Variants in IMPG2 observed in about 807,000 individuals in gnomAD.
The protein encoded by IMPG2 is IPM 200.
IMPG2 carries 91 observed loss-of-function variants against 129.2 expected under a neutral mutation model. The observed-to-expected ratio is 0.70, with a 90% CI of 0.59 to 0.84. The LOEUF is 0.84. Among genes scored for constraint, IMPG2 ranks in the 40% least tolerant of loss-of-function variants. The pLI is 0.00. For synonymous variants in IMPG2, 510 were observed against 517.7 expected (o/e 0.99, Z 0.20); for missense variants, 1,430 against 1,461.7 (o/e 0.98, Z 0.35).
At chr3:101,262,186 T>A (rs1177974522) in intron 9 of IMPG2, among the ~76,000 whole-genome samples, 1 of 152,068 alleles carries the variant, frequency 6.6e-6, no homozygotes. Flanking sequence ...TAGCTTCTTT[T>A]AGGAAGAAGA....
At chr3:101,267,576 A>G in intron 8 of IMPG2, 45 bp from the exon 9 acceptor site, 1 of 1,488,156 alleles carries the variant, frequency 6.7e-7, no homozygotes, top group Non-Finnish European at 9.4e-7. Context: ...TGAGACAGTT[A>G]TTATTGTCAC....
chr3:101,236,584 G>C (rs567842808), intron 14 of IMPG2, among the ~76,000 whole-genome samples: 1 of 152,136 alleles, frequency 6.6e-6, no homozygotes, highest in Non-Finnish European at 1.5e-5. Context: ...CACCTCACCC[G>C]GAAGTGCAAG....
intron 11 of IMPG2, among the ~76,000 whole-genome samples, chr3:101,248,195 G>C (rs914505716): frequency 2.6e-5 from 4 of 152,178 alleles, no homozygotes; most frequent in African/African-American, 9.7e-5. Context: ...GGACCTGGTG[G>C]GAGGGGATTG....
chr3:101,251,288 C>T (rs907764729), intron 11 of IMPG2, among the ~76,000 whole-genome samples: 2 of 152,092 alleles, frequency 1.3e-5, no homozygotes, highest in African/African-American at 4.8e-5. Context: ...TAAAACAATA[C>T]ATAAAATCTT....
At chr3:101,319,980 G>A in intron 1 of IMPG2, 148 bp from the exon 2 acceptor site, 1 of 781,072 alleles carries the variant, frequency 1.3e-6, no homozygotes. Context: ...AGGAAAAGAG[G>A]AGTGAGGCAG....
At chr3:101,256,274 TAA>T (rs1706608321) in intron 10 of IMPG2, among the ~76,000 whole-genome samples, 1 of 151,906 alleles carries the variant, frequency 6.6e-6, no homozygotes, top group Admixed American at 6.6e-5. Context: ...AAAATCTTTT[TAA>T]AAGTTTTTTT....
chr3:101,228,603 C>T (rs1218416649), intron 18 of IMPG2, among the ~76,000 whole-genome samples, 194 bp downstream of exon 18: 2 of 152,196 alleles, frequency 1.3e-5, no homozygotes, highest in Admixed American at 1.3e-4. Context: ...ACTCAATTTA[C>T]AAAGCCCTTA....
chr3:101,248,460 T>C (rs748903752), intron 11 of IMPG2, among the ~76,000 whole-genome samples: 33 of 152,144 alleles, frequency 2.2e-4, no homozygotes, highest in Non-Finnish European at 4.0e-4. Flanking sequence ...TGAAAACAGA[T>C]TAATACACAA....
At chr3:101,302,598 A>G (rs977968925) in intron 3 of IMPG2, among the ~76,000 whole-genome samples, 1 of 152,216 alleles carries the variant, frequency 6.6e-6, no homozygotes, top group Non-Finnish European at 1.5e-5. Context: ...TTATATGTCC[A>G]TATCTGTAAA....
At chr3:101,245,750 C>A (rs894019173) in intron 12 of IMPG2, 52 bp downstream of exon 12, 1 of 1,515,534 alleles carries the variant, frequency 6.6e-7, no homozygotes, top group South Asian at 1.1e-5. Context: ...CTCTTTAAAA[C>A]CCCTGTCATC....
chr3:101,256,161 G>GAAAGAA (rs1706600978), intron 10 of IMPG2, among the ~76,000 whole-genome samples: 2 of 115,356 alleles, frequency 1.7e-5, no homozygotes, highest in African/African-American at 6.6e-5. Flanking sequence ...AAGAAAGAAA[G>GAAAGAA]AAAGAAAGAA....
At chr3:101,286,617 G>A (rs1369166143) in intron 4 of IMPG2, among the ~76,000 whole-genome samples, 1 of 152,170 alleles carries the variant, frequency 6.6e-6, no homozygotes, top group East Asian at 1.9e-4. Flanking sequence ...GTAGATATAT[G>A]TACTCACACT....
chr3:101,283,106 T>A (rs1474423707), intron 4 of IMPG2, among the ~76,000 whole-genome samples: 3 of 152,300 alleles, frequency 2.0e-5, no homozygotes, highest in Non-Finnish European at 2.9e-5. Context: ...CACTGCAACC[T>A]CTGCCTCTCA....
Position 101,244,714 on chromosome 3 carries a change from A to T in IMPG2, c.1617T>A (p.Pro539=), listed in dbSNP as rs762259807. 4.3e-6 allele frequency: 7 copies of T among 1,614,098 alleles called. No individual in the cohort carries two copies. Among genetic ancestry groups the T allele is most frequent in the South Asian group, 2.2e-5 (2 of 91,088 alleles). ...DSLPSSSFTQ[P]VPKETIPSME... ...TGGATGGTATTGTTTCTTTTGGCAC[A>T]GGTTGAGTGAATGAACTTGAAGGCA... Residue 539 remains proline, a synonymous_variant, in exon 13 of 19, where the codon CCT becomes CCA. Transcript: ENST00000193391.
intron 11 of IMPG2, among the ~76,000 whole-genome samples, chr3:101,249,026 A>G (rs1185537045): frequency 6.6e-6 from 1 of 152,144 alleles, no homozygotes; most frequent in African/African-American, 2.4e-5. Context: ...TGCTTCCGCC[A>G]AGCCTCAATA....
At chr3:101,257,499 C>CA (rs1444348580) in intron 10 of IMPG2, 30 bp downstream of exon 10, 1 of 1,611,922 alleles carries the variant, frequency 6.2e-7, no homozygotes, top group Non-Finnish European at 8.5e-7. Flanking sequence ...AGAAACTATA[C>CA]AAGGACTTCA....
chr3:101,272,905 G>A (rs1706802308), intron 7 of IMPG2, among the ~76,000 whole-genome samples: 1 of 152,138 alleles, frequency 6.6e-6, no homozygotes, highest in Admixed American at 6.5e-5. Context: ...GACAGACAGG[G>A]GTAGATAAGC....
chr3:101,230,826 T>C (rs537543538), intron 16 of IMPG2, 131 bp downstream of exon 16: 2 of 773,222 alleles, frequency 2.6e-6, no homozygotes, highest in African/African-American at 1.7e-5. Flanking sequence ...ACAAGGACCA[T>C]GTGTTTATTC....
At chr3:101,294,253 C>T (rs1707053747) in intron 3 of IMPG2, among the ~76,000 whole-genome samples, 1 of 151,958 alleles carries the variant, frequency 6.6e-6, no homozygotes. Flanking sequence ...GGCCCCCACC[C>T]CCCGACTAGC....
Sources: allele counts gnomAD v4.1 joint callset (sites outside exome capture counted in the v4.1 genomes callset), GRCh38; gene constraint gnomAD v4.1.1; transcripts MANE v1.5; gene names NCBI Gene and HGNC (gene_info 2026-07-23, HGNC 2026-07-21).